ASIC2: variants seen among roughly 807,000 people sequenced by gnomAD.
ASIC2 encodes the protein acid-sensing ion channel 2.
In ASIC2, 25 loss-of-function variants were observed where a neutral mutation model predicts 57.3. The observed-to-expected ratio is 0.44, with a 90% CI of 0.32 to 0.61. The LOEUF is 0.61. ASIC2 is among the 20% of genes least tolerant of loss of function. The pLI, the probability that ASIC2 is intolerant of heterozygous loss-of-function variation, is 0.06. For synonymous variants in ASIC2, 319 were observed against 307.5 expected, an observed-to-expected ratio of 1.04 and a Z score of -0.39; for missense variants, 641 against 738.1, an observed-to-expected ratio of 0.87 and a Z score of 1.52.
At chr17:33,910,465 G>A (rs1490823473) in intron 1 of ASIC2, among the ~76,000 whole-genome samples, 1 of 152,138 alleles carries the variant, frequency 6.6e-6, no homozygotes, top group African/African-American at 2.4e-5. Flanking sequence ...TACTTCCTCA[G>A]AGAGGATTTG....
At position 33,844,733 on chromosome 17, in the gene ASIC2, T is replaced by C. The variant is rs959813345; in HGVS notation, c.555+311245A>G. On this transcript the variant is annotated intron_variant, in intron 1 of 9. Transcript: ENST00000359872. ...TTTAAAGAATAATCCAGCTGACAGATATAAACTGTCAACCTGTTATTTAGC... is the reference window on the plus strand; with the variant it reads ...TTTAAAGAATAATCCAGCTGACAGACATAAACTGTCAACCTGTTATTTAGC... Among the ~76,000 whole-genome samples, 4 of 152,228 alleles carry C rather than the reference T, an allele frequency of 2.6e-5. No individual in the cohort carries two copies. In the East Asian group the frequency reaches 7.7e-4, roughly 29 times the overall value.
At chr17:33,920,541 A>G (rs998275774) in intron 1 of ASIC2, among the ~76,000 whole-genome samples, 7 of 152,210 alleles carry the variant, frequency 4.6e-5, no homozygotes, top group South Asian at 2.1e-4. Flanking sequence ...AACAATAGAC[A>G]GTGGGGACTA....
intron 1 of ASIC2, among the ~76,000 whole-genome samples, chr17:33,265,043 A>G (rs1170651828): frequency 1.3e-5 from 2 of 152,254 alleles, no homozygotes; most frequent in Non-Finnish European, 2.9e-5. Context: ...CTAAAGGTGA[A>G]GAACCATATG....
intron 1 of ASIC2, among the ~76,000 whole-genome samples, chr17:33,481,636 C>T (rs1347683941): frequency 2.1e-5 from 3 of 145,090 alleles, no homozygotes; most frequent in Non-Finnish European, 4.4e-5. Context: ...TTCCTTCAAC[C>T]TCTACACCTC....
intron 1 of ASIC2, among the ~76,000 whole-genome samples, chr17:34,143,596 C>T (rs750539950): frequency 5.3e-5 from 8 of 152,194 alleles, no homozygotes; most frequent in Non-Finnish European, 7.3e-5. Context: ...AGGCTCTCAG[C>T]AGACCTTTTC....
chr17:34,095,719 A>G (rs1413948143), intron 1 of ASIC2, among the ~76,000 whole-genome samples: 1 of 143,798 alleles, frequency 7.0e-6, no homozygotes, highest in Non-Finnish European at 1.5e-5. Context: ...AATTTTATAT[A>G]TAGAGAGATA....
intron 1 of ASIC2, among the ~76,000 whole-genome samples, chr17:33,461,270 C>T (rs1001418641): frequency 3.3e-5 from 5 of 152,198 alleles, no homozygotes; most frequent in Non-Finnish European, 5.9e-5. Flanking sequence ...AAACCTTATT[C>T]ACCCTGTGAC....
Position 33,532,361 on chromosome 17 carries a change from A to G in ASIC2, c.556-420294T>C, listed in dbSNP as rs1000737061. On this transcript the variant is annotated intron_variant, in intron 1 of 9. Transcript: ENST00000359872. ...TGTGCTAGAAACTATTAAACTAATA[A>G]TGACACAAATAATTATAAAATAAAA... 1.8e-4 allele frequency among the ~76,000 whole-genome samples: 28 copies of G among 152,246 alleles called. 1 individual carries two copies. The highest frequency in any genetic ancestry group is 1.4e-3 in the Admixed American group (22 of 15,286).
At chr17:33,722,090 T>C (rs1449523011) in intron 1 of ASIC2, among the ~76,000 whole-genome samples, 1 of 152,218 alleles carries the variant, frequency 6.6e-6, no homozygotes, top group African/African-American at 2.4e-5. Context: ...CACCTCGCAT[T>C]GTAATAATCC....
intron 1 of ASIC2, among the ~76,000 whole-genome samples, chr17:33,970,409 A>T (rs1905195221): frequency 6.6e-6 from 1 of 152,204 alleles, no homozygotes; most frequent in Non-Finnish European, 1.5e-5. Flanking sequence ...CACTTGGAAC[A>T]CATCCCAGAG....
intron 1 of ASIC2, among the ~76,000 whole-genome samples, chr17:33,476,795 T>C (rs935179557): frequency 1.3e-5 from 2 of 151,988 alleles, no homozygotes; most frequent in Admixed American, 6.6e-5. Context: ...GCACAGAAAC[T>C]GTGCAAATAA....
chr17:33,662,181 T>C (rs1225224114), intron 1 of ASIC2, among the ~76,000 whole-genome samples: 3 of 152,210 alleles, frequency 2.0e-5, no homozygotes, highest in Non-Finnish European at 4.4e-5. Flanking sequence ...GCTAAGCCAC[T>C]TGCCTCAAGC....
At chr17:33,305,375 T>C (rs1906127393) in intron 1 of ASIC2, among the ~76,000 whole-genome samples, 1 of 152,218 alleles carries the variant, frequency 6.6e-6, no homozygotes, top group Non-Finnish European at 1.5e-5. Flanking sequence ...TGGAGCCTAC[T>C]TACTCTTACT....
chr17:33,754,112 T>C (rs1910516260), intron 1 of ASIC2, among the ~76,000 whole-genome samples: 1 of 152,132 alleles, frequency 6.6e-6, no homozygotes, highest in Non-Finnish European at 1.5e-5. Flanking sequence ...CACCCCAGCC[T>C]CCCTGCACCA....
At chr17:33,592,715 G>A (rs2142005557) in intron 1 of ASIC2, among the ~76,000 whole-genome samples, 1 of 152,308 alleles carries the variant, frequency 6.6e-6, no homozygotes, top group Non-Finnish European at 1.5e-5. Context: ...GAGGAGGGTA[G>A]AATGGAAAGA....
chr17:33,883,372 G>A (rs1442723156), intron 1 of ASIC2, among the ~76,000 whole-genome samples: 1 of 152,190 alleles, frequency 6.6e-6, no homozygotes, highest in Non-Finnish European at 1.5e-5. Context: ...CAACCAATTA[G>A]CTTAAAACTG....
chr17:33,166,594 C>T (rs993911), intron 1 of ASIC2, among the ~76,000 whole-genome samples: 2,507 of 152,286 alleles, frequency 0.016, 67 homozygotes, highest in East Asian at 0.11. Context: ...CACAGGACCC[C>T]TGGGTGAAGG....
At chr17:33,679,304 C>T (rs1325364872) in intron 1 of ASIC2, among the ~76,000 whole-genome samples, 1 of 152,172 alleles carries the variant, frequency 6.6e-6, no homozygotes, top group East Asian at 1.9e-4. Flanking sequence ...CCAATCACCC[C>T]TGTTGCTTTT....
At chr17:33,319,700 A>G (rs1006528241) in intron 1 of ASIC2, among the ~76,000 whole-genome samples, 2 of 152,114 alleles carry the variant, frequency 1.3e-5, no homozygotes, top group Admixed American at 6.6e-5. Flanking sequence ...CACCTAGCTA[A>G]TTCTTGTATT....
Sources: allele counts gnomAD v4.1 joint callset (sites outside exome capture counted in the v4.1 genomes callset), GRCh38; gene constraint gnomAD v4.1.1; transcripts MANE v1.5; gene names NCBI Gene and HGNC (gene_info 2026-07-23, HGNC 2026-07-21).